The following SORCS1 variants were observed in gnomAD, a reference collection of about 807,000 sequenced individuals.
The protein encoded by SORCS1 is sortilin related VPS10 domain containing receptor 1.
SORCS1 carries 60 observed loss-of-function variants against 146.1 expected under a neutral mutation model. The ratio of observed to expected loss-of-function variants is 0.41; its 90% CI spans 0.33 to 0.51. SORCS1 has a LOEUF of 0.51. Among genes scored for constraint, SORCS1 ranks in the 20% least tolerant of loss-of-function variants. The probability of loss-of-function intolerance (pLI) is 0.21; values close to 1 mark genes in which losing one functional copy is unlikely to be tolerated. For missense variants in SORCS1, 1,352 were observed against 1,487.6 expected (o/e 0.91, Z 1.50); for synonymous variants, 637 against 584.0 (o/e 1.09, Z -1.31).
chr10:107,098,394 T>C (rs1964679130), intron 1 of SORCS1, among the ~76,000 whole-genome samples: 1 of 152,238 alleles, frequency 6.6e-6, no homozygotes, highest in Non-Finnish European at 1.5e-5. Context: ...AAGTAGTCAG[T>C]TGTCCTGATG....
intron 1 of SORCS1, among the ~76,000 whole-genome samples, chr10:107,070,278 G>T (rs1459846095): frequency 6.6e-6 from 1 of 152,112 alleles, no homozygotes; most frequent in East Asian, 1.9e-4. Context: ...GTGTGTGTGT[G>T]TGTGTGTGGA....
At chr10:106,738,854 C>T (rs1361678200) in intron 5 of SORCS1, among the ~76,000 whole-genome samples, 1 of 152,020 alleles carries the variant, frequency 6.6e-6, no homozygotes, top group Non-Finnish European at 1.5e-5. Context: ...AGGCCAGGCA[C>T]AGTGGCTCAC....
chr10:106,962,394 CAAAAAAAAA>C (rs60616146), intron 1 of SORCS1, among the ~76,000 whole-genome samples: 21 of 62,590 alleles, frequency 3.4e-4, no homozygotes, highest in Middle Eastern at 0.012. Context: ...AACTCCATCT[CAAAAAAAAA>C]AAAAAAAAAA....
At chr10:106,945,224 T>A (rs1252350858) in intron 2 of SORCS1, among the ~76,000 whole-genome samples, 2 of 152,056 alleles carry the variant, frequency 1.3e-5, no homozygotes, top group Non-Finnish European at 2.9e-5. Context: ...GAATGGCTTC[T>A]TAAAAAGAAG....
chr10:106,798,037 T>C (rs821996), intron 3 of SORCS1, among the ~76,000 whole-genome samples: 51,919 of 151,992 alleles, frequency 0.34, 9,134 homozygotes, highest in Non-Finnish European at 0.38. Flanking sequence ...TGAATTCCCA[T>C]GTACTGTGGG....
intron 2 of SORCS1, among the ~76,000 whole-genome samples, chr10:106,927,808 T>C (rs112512339): frequency 7.9e-5 from 12 of 152,232 alleles, no homozygotes; most frequent in African/African-American, 2.9e-4. Flanking sequence ...AGGGTACTGA[T>C]TGGTGTGTTT....
intron 1 of SORCS1, among the ~76,000 whole-genome samples, chr10:107,097,938 C>T (rs774516840): frequency 2.6e-5 from 4 of 152,090 alleles, no homozygotes; most frequent in African/African-American, 9.7e-5. Flanking sequence ...CAATGTAATA[C>T]AGGAAAAAAA....
intron 1 of SORCS1, among the ~76,000 whole-genome samples, chr10:107,083,469 C>T (rs1305616798): frequency 1.3e-5 from 2 of 152,084 alleles, no homozygotes; most frequent in Non-Finnish European, 2.9e-5. Flanking sequence ...TTTTACTAAA[C>T]ATGTTTTTAA....
At chr10:106,610,283 C>T (rs1159465634) in intron 22 of SORCS1, among the ~76,000 whole-genome samples, 3 of 151,946 alleles carry the variant, frequency 2.0e-5, no homozygotes, top group Non-Finnish European at 4.4e-5. Flanking sequence ...AATCAAGATT[C>T]AAACCTTGAT....
chr10:106,787,332 GTATCC>G (rs1946101697), intron 3 of SORCS1, among the ~76,000 whole-genome samples: 1 of 152,088 alleles, frequency 6.6e-6, no homozygotes. Context: ...TGATTTTCAG[GTATCC>G]TTGGGCTAAC....
intron 1 of SORCS1, among the ~76,000 whole-genome samples, chr10:107,125,425 C>CATGGAT (rs1209919473): frequency 9.9e-5 from 15 of 152,196 alleles, no homozygotes; most frequent in African/African-American, 3.1e-4. Context: ...AAGCATTCTG[C>CATGGAT]CTGGATGTGC....
rs1206415583 is a variant in SORCS1, at chr10:106,577,274, T to A, written c.*146A>T. On this transcript the variant is annotated 3_prime_UTR_variant, in exon 26 of 26. Coordinates refer to ENST00000263054, the MANE Select transcript of SORCS1 (RefSeq NM_052918.5). Reference sequence around the variant, plus strand: ...TTTGTGCTTTGATTCTCAGCAACTATGGAAATACTTCCTGGCAAAATAGGA... The same window carrying A: ...TTTGTGCTTTGATTCTCAGCAACTAAGGAAATACTTCCTGGCAAAATAGGA... 6.2e-7 allele frequency: 1 copy of A among 1,605,934 alleles called. No homozygotes were observed. The highest frequency in any genetic ancestry group is 2.2e-5 in the East Asian group (1 of 44,474).
At chr10:106,953,352 T>G (rs1374977767) in intron 2 of SORCS1, among the ~76,000 whole-genome samples, 1 of 152,154 alleles carries the variant, frequency 6.6e-6, no homozygotes, top group Non-Finnish European at 1.5e-5. Flanking sequence ...CCAGATTACT[T>G]GTAACACCAA....
At chr10:107,002,294 A>G (rs1957254219) in intron 1 of SORCS1, among the ~76,000 whole-genome samples, 1 of 152,230 alleles carries the variant, frequency 6.6e-6, no homozygotes, top group Admixed American at 6.5e-5. Context: ...TCTCTCAATA[A>G]TTCTGAATTA....
chr10:107,055,027 G>C (rs1342859711), intron 1 of SORCS1, among the ~76,000 whole-genome samples: 2 of 152,158 alleles, frequency 1.3e-5, no homozygotes, highest in East Asian at 1.9e-4. Context: ...TGATCCAACA[G>C]AGAATGTGCT....
At chr10:106,718,892 A>G (rs1342511285) in intron 6 of SORCS1, among the ~76,000 whole-genome samples, 2 of 152,222 alleles carry the variant, frequency 1.3e-5, no homozygotes, top group Non-Finnish European at 2.9e-5. Context: ...TGGTGCGTTT[A>G]CAAACCTTTA....
At chr10:106,956,739 T>C (rs111344090) in intron 1 of SORCS1, among the ~76,000 whole-genome samples, 159 bp from the exon 2 acceptor site, 12 of 152,244 alleles carry the variant, frequency 7.9e-5, no homozygotes, top group African/African-American at 2.7e-4. Context: ...AAGGTTGGCT[T>C]GTCTTTCTGC....
intron 21 of SORCS1, among the ~76,000 whole-genome samples, chr10:106,613,315 T>C (rs1847131960): frequency 6.6e-6 from 1 of 152,068 alleles, no homozygotes; most frequent in African/African-American, 2.4e-5. Flanking sequence ...ACAGGAGTCA[T>C]GGAGAACTAT....
chr10:107,008,386 C>T (rs74559794), intron 1 of SORCS1, among the ~76,000 whole-genome samples: 3,919 of 152,132 alleles, frequency 0.026, 175 homozygotes, highest in African/African-American at 0.089. Flanking sequence ...TTCTCTGGGA[C>T]AACTAAACAT....
Sources: allele counts gnomAD v4.1 joint callset (sites outside exome capture counted in the v4.1 genomes callset), GRCh38; gene constraint gnomAD v4.1.1; transcripts MANE v1.5; gene names NCBI Gene and HGNC (gene_info 2026-07-23, HGNC 2026-07-21).